CTBS: variants seen among roughly 807,000 people sequenced by gnomAD.
CTBS encodes the protein chitobiase, also known as di-N-acetylchitobiase.
Under a neutral mutation model 44.3 loss-of-function variants are expected in CTBS, and 35 were observed. The ratio of observed to expected loss-of-function variants is 0.79; its 90% CI spans 0.60 to 1.05. The LOEUF is 1.05. CTBS is among the 50% of genes least tolerant of loss of function. The pLI, the probability that CTBS is intolerant of heterozygous loss-of-function variation, is 0.00. For missense variants in CTBS, 458 were observed against 475.3 expected (o/e 0.96, Z 0.34); for synonymous variants, 143 against 168.0 (o/e 0.85, Z 1.15).
In CTBS at chr1:84,574,394, G is replaced by C; in HGVS notation, c.22C>G (p.Arg8Gly). The C allele has an allele frequency of 6.4e-7, 1 of 1,557,660 alleles. No individual in the cohort carries two copies. The highest frequency in any genetic ancestry group is 8.7e-7 in the Non-Finnish European group (1 of 1,152,748). ...GGCGGGCTAGAGACGAGGCGCCAGC[G>C]TCGAAGCTGCGGCCGGGACATAGCA... MSRPQLR[R>G]WRLVSSPPSG... Residue 8 changes from arginine to glycine, a missense_variant, in exon 1 of 7, where the codon CGC becomes GGC. Arg to Gly is a moderately radical substitution (Grantham distance 125). Coordinates refer to ENST00000370630, the MANE Select transcript of CTBS (RefSeq NM_004388.3).
chr1:84,551,378 T>C lies in CTBS; in HGVS notation c.*3621A>G. The C allele has an allele frequency of 1.4e-6, 1 of 737,878 alleles. No individual in the cohort carries two copies. The highest frequency in any genetic ancestry group is 1.7e-6 in the Non-Finnish European group (1 of 605,744). The allele number at this position is 737,878 out of a possible 1,614,324, so 45.7% of individuals were successfully genotyped here. On this transcript the variant is annotated 3_prime_UTR_variant, in exon 7 of 7. Coordinates refer to ENST00000370630, the MANE Select transcript of CTBS (RefSeq NM_004388.3). Reference sequence around the variant, plus strand: ...GGTTTCAGATAAAAATAAAAATAAATAAAATTTAAAAATAAAAAAATAGAA... The same window carrying C: ...GGTTTCAGATAAAAATAAAAATAAACAAAATTTAAAAATAAAAAAATAGAA...
rs1163992846 is a variant in CTBS, at chr1:84,551,604, G to C, written c.*3395C>G. ...ATGGCAACTGGCTTCTACTATACTG[G>C]ACAGTGCAGTTCTAGATTCTTTTTA... On this transcript the variant is annotated 3_prime_UTR_variant, in exon 7 of 7. Coordinates refer to ENST00000370630, the MANE Select transcript of CTBS (RefSeq NM_004388.3). The C allele has an allele frequency of 6.6e-6, 1 of 152,040 alleles. No homozygotes were observed. The highest frequency in any genetic ancestry group is 1.5e-5 in the Non-Finnish European group (1 of 67,976). The allele number at this position is 152,040 out of a possible 1,614,324, so 9.4% of individuals were successfully genotyped here. A position where few individuals can be genotyped will look rare whatever the true frequency, so the allele number is the denominator to read the frequency against.
At position 84,574,383 on chromosome 1, in the gene CTBS, G is replaced by C. The variant is rs746560768; in HGVS notation, c.33C>G (p.Leu11=). The change falls in exon 1 of 7, where the codon CTC becomes CTG. Residue 11 remains leucine, a synonymous_variant. Coordinates refer to ENST00000370630, the MANE Select transcript of CTBS (RefSeq NM_004388.3). ...GGACGCCGCTCGGCGGGCTAGAGAC[G>C]AGGCGCCAGCGTCGAAGCTGCGGCC... MSRPQLRRWR[L]VSSPPSGVPG... 9.0e-6 allele frequency: 14 copies of C among 1,562,842 alleles called. No homozygotes were observed. The highest frequency in any genetic ancestry group is 1.2e-5 in the Non-Finnish European group (14 of 1,154,952).
intron 1 of CTBS, among the ~76,000 whole-genome samples, chr1:84,573,752 T>C (rs1442615043): frequency 6.6e-6 from 1 of 152,244 alleles, no homozygotes; most frequent in Admixed American, 6.5e-5. Context: ...CTATTTTTTT[T>C]ACCACTCTTC....
rs1254538394 is a variant in CTBS, at chr1:84,552,397, GA to G, written c.*2601del. 6.6e-6 allele frequency: 1 copy of G among 152,100 alleles called. No homozygotes were observed. The highest frequency in any genetic ancestry group is 1.5e-5 in the Non-Finnish European group (1 of 68,016). The allele number at this position is 152,100 out of a possible 1,614,324, so 9.4% of individuals were successfully genotyped here. A position where few individuals can be genotyped will look rare whatever the true frequency, so the allele number is the denominator to read the frequency against. ...TGCTGCTGTCCACAGACAACACTTG[GA>G]ATAGTAAGGGCTCTGGTACCAGGTG... is the stretch of plus-strand genomic sequence containing the variant. On this transcript the variant is annotated 3_prime_UTR_variant, in exon 7 of 7. Transcript: ENST00000370630.
chr1:84,563,701 T>A, intron 5 of CTBS, 34 bp downstream of exon 5: 1 of 1,266,730 alleles, frequency 7.9e-7, no homozygotes, highest in Non-Finnish European at 1.1e-6. Context: ...ATATAATAGA[T>A]AATAAAAATT....
chr1:84,553,450 C>T lies in CTBS; in HGVS notation c.*1549G>A, dbSNP rs1684336380. The T allele has an allele frequency of 6.6e-6, 1 of 152,622 alleles. No homozygotes were observed. Among genetic ancestry groups the T allele is most frequent in the Admixed American group, 6.6e-5 (1 of 15,230 alleles). The allele number at this position is 152,622 out of a possible 1,614,324, so 9.5% of individuals were successfully genotyped here. ...AGCTAATATAACTAAAATCTATTTGCAAAGAATAAATGTATATTAATGAAT... is the reference window on the plus strand; with the variant it reads ...AGCTAATATAACTAAAATCTATTTGTAAAGAATAAATGTATATTAATGAAT... On this transcript the variant is annotated 3_prime_UTR_variant, in exon 7 of 7. Coordinates refer to ENST00000370630, the MANE Select transcript of CTBS (RefSeq NM_004388.3).
intron 4 of CTBS, among the ~76,000 whole-genome samples, chr1:84,564,077 T>G (rs1684644839): frequency 6.6e-6 from 1 of 152,198 alleles, no homozygotes; most frequent in South Asian, 2.1e-4. Context: ...AAATAAAATA[T>G]TCACAAAATC....
rs1286712164 is a variant in CTBS, at chr1:84,570,073, T to A, written c.383A>T (p.Asn128Ile). 1 of 1,613,702 alleles carries A rather than the reference T, an allele frequency of 6.2e-7. No homozygotes were observed. The highest frequency in any genetic ancestry group is 1.7e-5 in the Admixed American group (1 of 59,968). ...FRASWIAQKL[N>I]LAKTQYMDGI... Reference sequence around the variant, plus strand: ...ATCCATATATTGTGTTTTGGCCAAATTAAGTTTTTGAGCTATCCAGGATGC... The same window carrying A: ...ATCCATATATTGTGTTTTGGCCAAAATAAGTTTTTGAGCTATCCAGGATGC... Residue 128 changes from asparagine (N) to isoleucine (I), a missense_variant, in exon 3 of 7, where the codon AAT becomes ATT. By Grantham distance (149) the Asn-to-Ile change is moderately radical. Coordinates refer to ENST00000370630, the MANE Select transcript of CTBS (RefSeq NM_004388.3).
chr1:84,560,121 GAAAGAAAGAAAGGAAA>G (rs1684563182), intron 6 of CTBS, among the ~76,000 whole-genome samples: 1 of 143,650 alleles, frequency 7.0e-6, no homozygotes, highest in South Asian at 2.3e-4. Flanking sequence ...AAGAAAGAAA[GAAAGAAAGAAAGGAAA>G]GAAAGAAAGA....
rs962067569 is a variant in CTBS, at chr1:84,552,209, G to C, written c.*2790C>G. On this transcript the variant is annotated 3_prime_UTR_variant, in exon 7 of 7. Transcript: ENST00000370630. ...AAGGGACAAAAAAAACCCAGCCTGA[G>C]TCTCTTGCAACCATATTTATTCAAG... 33 of 152,156 alleles carry C rather than the reference G, an allele frequency of 2.2e-4. No homozygotes were observed. Among genetic ancestry groups the C allele is most frequent in the Admixed American group, 2.1e-3 (32 of 15,266 alleles). 9.4% of individuals were successfully genotyped at this position (152,156 alleles called of 1,614,324 possible).
chr1:84,561,158 AT>A (rs1391991206), intron 6 of CTBS, among the ~76,000 whole-genome samples: 2 of 152,214 alleles, frequency 1.3e-5, no homozygotes, highest in African/African-American at 2.4e-5. Context: ...TCTAGATGCC[AT>A]TAAGAACATT....
chr1:84,554,830 T>C lies in CTBS; in HGVS notation c.*169A>G, dbSNP rs1213079974. 9 of 572,774 alleles carry C rather than the reference T, an allele frequency of 1.6e-5. No individual in the cohort carries two copies. The highest frequency in any genetic ancestry group is 2.4e-5 in the Non-Finnish European group (8 of 332,118). 35.5% of individuals were successfully genotyped at this position (572,774 alleles called of 1,614,324 possible). A position where few individuals can be genotyped will look rare whatever the true frequency, so the allele number is the denominator to read the frequency against. On this transcript the variant is annotated 3_prime_UTR_variant, in exon 7 of 7. Transcript: ENST00000370630. ...TTCTTGCCTTTATGTTCCTGGATACTGAGGACATTCGTGTGTATTTTTCAA... is the reference window on the plus strand; with the variant it reads ...TTCTTGCCTTTATGTTCCTGGATACCGAGGACATTCGTGTGTATTTTTCAA...
At chr1:84,570,517 G>A in intron 2 of CTBS, 65 bp downstream of exon 2, 1 of 1,440,292 alleles carries the variant, frequency 6.9e-7, no homozygotes, top group East Asian at 2.3e-5. Context: ...GGAAAGTCGG[G>A]ACTATAGCAA....
At chr1:84,558,984 GA>G (rs980108897) in intron 6 of CTBS, among the ~76,000 whole-genome samples, 1 of 152,130 alleles carries the variant, frequency 6.6e-6, no homozygotes, top group African/African-American at 2.4e-5. Flanking sequence ...GGATTACAAA[GA>G]AACAGTATAT....
chr1:84,573,718 G>T (rs1415435767), intron 1 of CTBS, among the ~76,000 whole-genome samples: 1 of 152,194 alleles, frequency 6.6e-6, no homozygotes, highest in East Asian at 1.9e-4. Context: ...TTGTTATGTA[G>T]ATAGAAGGAA....
chr1:84,563,511 A>G, intron 5 of CTBS, 93 bp from the exon 6 acceptor site: 1 of 959,028 alleles, frequency 1.0e-6, no homozygotes. Context: ...GAAATAAAAC[A>G]TATACCATAG....
At position 84,550,123 on chromosome 1, in the gene CTBS, G is replaced by A. The variant is rs74095450; in HGVS notation, c.*4876C>T. The A allele has an allele frequency of 6.3e-4, 108 of 170,488 alleles. No homozygotes were observed. The highest frequency in any genetic ancestry group is 2.4e-3 in the African/African-American group (103 of 42,176). 10.6% of individuals were successfully genotyped at this position (170,488 alleles called of 1,614,324 possible). On this transcript the variant is annotated 3_prime_UTR_variant, in exon 7 of 7. Transcript: ENST00000370630. The stretch of plus-strand genomic sequence containing the variant: ...TTTAAAATAATTCTAATCTTATTCA[G>A]CTGATAAAGCATTATGACAATTTTA...
At chr1:84,572,397 T>G (rs1647335181) in intron 1 of CTBS, among the ~76,000 whole-genome samples, 1 of 151,634 alleles carries the variant, frequency 6.6e-6, no homozygotes, top group Non-Finnish European at 1.5e-5. Flanking sequence ...ATTCTATTTG[T>G]TTAAAAAATA....
Sources: gnomAD v4.1 joint callset for allele counts (sites outside exome capture counted in the v4.1 genomes callset) on GRCh38, gnomAD v4.1.1 for gene constraint, MANE v1.5 for transcripts, NCBI Gene and HGNC (gene_info 2026-07-23, HGNC 2026-07-21) for gene names.